Variants in ERI2 observed in about 807,000 individuals in gnomAD.
ERI2 encodes ERI1 exoribonuclease family member 2, also known as ERI1 exoribonuclease 2.
A neutral mutation model predicts 46.8 loss-of-function variants in ERI2; 35 were observed. That is an observed-to-expected ratio of 0.75 (90% CI 0.57 to 0.99). The LOEUF (loss-of-function observed/expected upper bound fraction) is 0.99. Ranked by LOEUF, ERI2 falls within the 50% of genes least tolerant of loss-of-function variation. The probability of loss-of-function intolerance (pLI) is 0.00; values close to 1 mark genes in which losing one functional copy is unlikely to be tolerated. For synonymous variants in ERI2, 224 were observed against 271.0 expected, an observed-to-expected ratio of 0.83 and a Z score of 1.70; for missense variants, 695 against 796.2, an observed-to-expected ratio of 0.87 and a Z score of 1.53.
intron 8 of ERI2, 81 bp downstream of exon 8, chr16:20,799,182 A>G: frequency 6.4e-7 from 1 of 1,555,876 alleles, no homozygotes; most frequent in Non-Finnish European, 8.7e-7. Context: ...ATGACTGCAC[A>G]CATTAAATCT....
intron 10 of ERI2, chr16:20,786,419 G>A (rs996914643): frequency 6.0e-5 from 38 of 632,482 alleles, no homozygotes; most frequent in Middle Eastern, 4.8e-4. Flanking sequence ...AGTGGCTCAC[G>A]CCTGTAATCC....
rs1388849083 is a variant in ERI2, at chr16:20,797,819, T to G, written c.1981A>C (p.Thr661Pro). 6 of 1,551,498 alleles carry G rather than the reference T, an allele frequency of 3.9e-6. No homozygotes were observed. The Admixed American group carries it at 1.2e-4, about 30-fold the overall frequency. The change falls in exon 9 of 9, where the codon ACT (threonine) becomes CCT (proline). Residue 661 changes from threonine to proline, a missense_variant. By Grantham distance (38) the Thr-to-Pro change is conservative (BLOSUM62 -1). Transcript: ENST00000357967. Reference protein sequence around the residue: ...MVPSHSTGGLTFSSPETSHIC... With the variant: ...MVPSHSTGGLPFSSPETSHIC... ...TGGCTTGTTTCTGGAGAACTAAAAG[T>G]GAGTCCCCCTGTGGAATGAGATGGA... is the stretch of plus-strand genomic sequence containing the variant.
At chr16:20,781,579 T>C in intron 10 of ERI2, 1 of 773,794 alleles carries the variant, frequency 1.3e-6, no homozygotes, top group Non-Finnish European at 2.2e-6. Context: ...GGGATGATTC[T>C]ACAAGAAAAG....
intron 10 of ERI2, among the ~76,000 whole-genome samples, chr16:20,788,647 T>C (rs2080527464): frequency 6.6e-6 from 1 of 152,200 alleles, no homozygotes; most frequent in Admixed American, 6.5e-5. Context: ...CTTTATAATC[T>C]TCTTTGTTTG....
intron 1 of ERI2, chr16:20,806,168 GC>G (rs990687699): frequency 7.2e-7 from 1 of 1,393,910 alleles, no homozygotes; most frequent in African/African-American, 1.5e-5. Flanking sequence ...CACAGTCAAG[GC>G]CCCAGGGTTC....
chr16:20,781,912 T>A, intron 10 of ERI2: 1 of 675,892 alleles, frequency 1.5e-6, no homozygotes, highest in South Asian at 1.8e-5. Context: ...CAATCTCTCC[T>A]CTTCCTCTTT....
chr16:20,803,715 C>T (rs1369421616), intron 1 of ERI2, 45 bp from the exon 2 acceptor site: 6 of 1,596,800 alleles, frequency 3.8e-6, no homozygotes, highest in Non-Finnish European at 5.1e-6. Flanking sequence ...AACTCATTCA[C>T]ACTCCTGTTT....
downstream of ERI2, chr16:20,796,197 T>C: frequency 8.8e-7 from 1 of 1,137,000 alleles, no homozygotes. Flanking sequence ...TCTCCTGTAT[T>C]AGGTACAGAC....
At chr16:20,793,759 T>C (rs975086143), downstream of ERI2, among the ~76,000 whole-genome samples, 1 of 152,220 alleles carries the variant, frequency 6.6e-6, no homozygotes, top group Non-Finnish European at 1.5e-5. Flanking sequence ...CTTGTCTCTT[T>C]GCTCTGAACA....
rs1361696058 is a variant in ERI2 at position 20,790,455 on chromosome 16, TCA to T, written c.815+393_815+394del. On this transcript the variant is annotated intron_variant, in intron 9 of 10. Coordinates refer to the ERI2 transcript ENST00000300005. This position sits in a 1 kb window ranked among gnomAD's most constrained non-coding sequence, Gnocchi z 4.0. ...CTGGGTGACAAAGTGAGACCTTGTC[TCA>T]CACACACAAAATTTTTTTTAAGTCT... 2.5e-6 allele frequency: 2 copies of T among 801,874 alleles called. No individual in the cohort carries two copies. Among genetic ancestry groups the T allele is most frequent in the African/African-American group, 1.7e-5 (1 of 57,372 alleles). The allele number at this position is 801,874 out of a possible 1,614,324, so 49.7% of individuals were successfully genotyped here.
chr16:20,798,178 G>T lies in ERI2; in HGVS notation c.1622C>A (p.Ala541Asp). ...GTKRNPCSPQ[A>D]FPPAKKQPFT... ...GGGTTGTTTTTTTGCTGGTGGGAAA[G>T]CTTGGGGACTGCATGGATTCCTTTT... Residue 541 changes from alanine (A) to aspartate (D), a missense_variant, in exon 9 of 9, where the codon GCT becomes GAT. Coordinates refer to ENST00000357967, the MANE Select transcript of ERI2 (RefSeq NM_001142725.2). The T allele has an allele frequency of 6.4e-7, 1 of 1,551,622 alleles. No homozygotes were observed. Among genetic ancestry groups the T allele is most frequent in the Non-Finnish European group, 8.7e-7 (1 of 1,146,932 alleles).
In ERI2 at chr16:20,797,741, G is replaced by T; in HGVS notation, c.2059C>A (p.Pro687Thr). ...AAAGGTTATCAATTCCTCATTGAAG[G>T]CCTGAGTCTCAAAGAATTTTTGGTG... ...ISTKNSLRLR[P>T]SMRN The change falls in exon 9 of 9, where the codon CCT becomes ACT. Residue 687 changes from proline to threonine, a missense_variant. Physicochemically the swap from Pro to Thr is conservative, Grantham distance 38. Coordinates refer to ENST00000357967, the MANE Select transcript of ERI2 (RefSeq NM_001142725.2). 6.5e-7 allele frequency: 1 copy of T among 1,547,456 alleles called. No individual in the cohort carries two copies.
intron 3 of ERI2, 83 bp downstream of exon 3, chr16:20,803,350 T>C (rs376181640): frequency 5.4e-6 from 8 of 1,473,582 alleles, no homozygotes; most frequent in South Asian, 2.7e-5. Context: ...TCCTGTTTTC[T>C]TAAACTTTTG....
rs1247350306 is a variant in ERI2 at position 20,799,079 on chromosome 16, C to T, written c.733-12G>A. 6.7e-7 allele frequency: 1 copy of T among 1,490,580 alleles called. No homozygotes were observed. Among genetic ancestry groups the T allele is most frequent in the Non-Finnish European group, 8.9e-7 (1 of 1,124,586 alleles). The allele number at this position is 1,490,580 out of a possible 1,614,324, so 92.3% of individuals were successfully genotyped here. A position where few individuals can be genotyped will look rare whatever the true frequency, so the allele number is the denominator to read the frequency against. On this transcript the variant is annotated splice_polypyrimidine_tract_variant and intron_variant, in intron 8 of 8. Coordinates refer to ENST00000357967, the MANE Select transcript of ERI2 (RefSeq NM_001142725.2). ...TTCTTAGTGGGAACCTATGATTCCACAGACAAATGCAACAGCTTTAGAAAC... is the reference window on the plus strand; with the variant it reads ...TTCTTAGTGGGAACCTATGATTCCATAGACAAATGCAACAGCTTTAGAAAC...
intron 10 of ERI2, among the ~76,000 whole-genome samples, chr16:20,783,987 G>T (rs966021076): frequency 5.9e-5 from 9 of 152,110 alleles, no homozygotes; most frequent in South Asian, 4.2e-4. Flanking sequence ...TGTATTTTTA[G>T]TGGAGATGGG....
intron 7 of ERI2, 125 bp downstream of exon 7, chr16:20,799,832 A>T: frequency 1.6e-6 from 1 of 618,424 alleles, no homozygotes; most frequent in Non-Finnish European, 2.9e-6. Context: ...TGAATTGTTT[A>T]GATTAGGAGT....
chr16:20,799,986 C>A lies in ERI2; in HGVS notation c.614G>T (p.Gly205Val). The change falls in exon 7 of 9, where the codon GGA (glycine) becomes GTA (valine). Residue 205 changes from glycine to valine, a missense_variant. By Grantham distance (109) the Gly-to-Val change is moderately radical. Transcript: ENST00000357967. ...ATGTTCTCGTCCTGAGAATTCTATT[C>A]CTACTTCCTGCAAGGCACCACTTAG... ...KGLSGALQEV[G>V]IEFSGREHSG... is the part of the protein sequence containing the mutation. The A allele has an allele frequency of 1.2e-6, 2 of 1,605,928 alleles. No homozygotes were observed. The highest frequency in any genetic ancestry group is 1.1e-5 in the South Asian group (1 of 90,038).
intron 10 of ERI2, chr16:20,785,144 A>C: frequency 6.2e-7 from 1 of 1,609,284 alleles, no homozygotes; most frequent in Non-Finnish European, 8.5e-7. Context: ...GCTGGATTCC[A>C]TTTAGTCAGA....
At chr16:20,799,134 G>GT in intron 8 of ERI2, 67 bp from the exon 9 acceptor site, 2 of 1,486,118 alleles carry the variant, frequency 1.3e-6, no homozygotes, top group Non-Finnish European at 1.8e-6. Flanking sequence ...TCAGTATACA[G>GT]TTTTATGACA....
Sources: allele counts gnomAD v4.1 joint callset (sites outside exome capture counted in the v4.1 genomes callset), GRCh38; gene constraint gnomAD v4.1.1; non-coding constraint Gnocchi (gnomAD v3.1); transcripts MANE v1.5; gene names NCBI Gene and HGNC (gene_info 2026-07-23, HGNC 2026-07-21).